Variants in TTLL11 observed in about 807,000 individuals in gnomAD.
The protein encoded by TTLL11 is tubulin polyglutamylase TTLL11.
TTLL11 carries 42 observed loss-of-function variants against 51.7 expected under a neutral mutation model. The ratio of observed to expected loss-of-function variants is 0.81; its 90% CI spans 0.64 to 1.05. The LOEUF (loss-of-function observed/expected upper bound fraction) is 1.05, where lower values mean the gene tolerates loss of function less well. Ranked by LOEUF, TTLL11 falls within the 50% of genes least tolerant of loss-of-function variation. TTLL11 has a pLI of 0.00. For synonymous variants in TTLL11, 381 were observed against 383.5 expected (o/e 0.99, Z 0.08); for missense variants, 799 against 940.4 (o/e 0.85, Z 1.97).
rs142905045 is a variant in TTLL11, at chr9:122,016,411, C to T, written c.693+15312G>A. On this transcript the variant is annotated intron_variant, in intron 3 of 8. Coordinates refer to ENST00000321582, the MANE Select transcript of TTLL11 (RefSeq NM_001139442.2). ...GATAAACCAGTGGGTTACCCAAAGT[C>T]GGTCAAATCAGCACATTGTCTACAG... 1.6e-3 allele frequency among the ~76,000 whole-genome samples: 240 copies of T among 152,224 alleles called. No homozygotes were observed. The Middle Eastern group carries it at 0.02, about 13-fold the overall frequency.
rs138925927 is a variant in TTLL11, at chr9:121,974,679, A to G, written c.1365+205T>C. ...AAACCTTCAACACTGGAAAAACAGC[A>G]TGCTGGGAAGTGACCACAGGTCAGA... On this transcript the variant is annotated intron_variant, in intron 5 of 8. Coordinates refer to ENST00000321582, the MANE Select transcript of TTLL11 (RefSeq NM_001139442.2). 2.1e-4 allele frequency among the ~76,000 whole-genome samples: 32 copies of G among 152,320 alleles called. No individual in the cohort carries two copies. The East Asian group carries it at 3.3e-3, about 16-fold the overall frequency.
chr9:122,070,719 C>T (rs548436757), intron 1 of TTLL11, among the ~76,000 whole-genome samples: 3 of 152,242 alleles, frequency 2.0e-5, no homozygotes, highest in Admixed American at 6.5e-5. Context: ...CAAAGGCCAG[C>T]GCTCCCCTCC....
chr9:121,908,856 G>T (rs1223153613), intron 6 of TTLL11, among the ~76,000 whole-genome samples: 1 of 152,142 alleles, frequency 6.6e-6, no homozygotes, highest in African/African-American at 2.4e-5. Flanking sequence ...GGCCTACTCT[G>T]TTGGCTTCAT....
chr9:122,043,831 AAT>A (rs200113303), intron 1 of TTLL11, among the ~76,000 whole-genome samples: 2 of 151,982 alleles, frequency 1.3e-5, no homozygotes, highest in African/African-American at 2.4e-5. Flanking sequence ...CAATAGTCAG[AAT>A]ATATATATAT....
intron 1 of TTLL11, among the ~76,000 whole-genome samples, chr9:122,051,513 A>ATAC (rs1454533261): frequency 6.6e-6 from 1 of 152,136 alleles, no homozygotes; most frequent in Non-Finnish European, 1.5e-5. Flanking sequence ...GTTGCTTGTG[A>ATAC]TACTGCCTGC....
intron 1 of TTLL11, among the ~76,000 whole-genome samples, chr9:122,065,525 T>C (rs1262260556): frequency 6.6e-6 from 1 of 152,226 alleles, no homozygotes; most frequent in Non-Finnish European, 1.5e-5. Context: ...CAGTCATCAC[T>C]AATTAAGGAC....
At chr9:121,922,196 G>A (rs1840568581) in intron 6 of TTLL11, among the ~76,000 whole-genome samples, 1 of 152,096 alleles carries the variant, frequency 6.6e-6, no homozygotes, top group African/African-American at 2.4e-5. Context: ...ATAATCCCTA[G>A]GAAACTTCTT....
chr9:121,967,179 C>T (rs1478496203), intron 6 of TTLL11, among the ~76,000 whole-genome samples: 2 of 148,630 alleles, frequency 1.3e-5, no homozygotes, highest in South Asian at 2.2e-4. Context: ...GGACACAGGC[C>T]GCTCCTCTGT....
chr9:121,904,732 A>T (rs4837911), intron 6 of TTLL11, among the ~76,000 whole-genome samples: 137,728 of 152,314 alleles, frequency 0.9, 62,571 homozygotes, highest in East Asian at 0.99. Context: ...TGTTTTCCAC[A>T]AGGGAGACAA....
chr9:122,027,815 A>G (rs543086475), intron 3 of TTLL11, among the ~76,000 whole-genome samples: 10 of 152,368 alleles, frequency 6.6e-5, no homozygotes, highest in African/African-American at 2.2e-4. Context: ...AGAGCCATTC[A>G]AAGGAATGAA....
rs200354661 is a variant in TTLL11 at position 121,989,401 on chromosome 9, T to A, written c.1063A>T (p.Ile355Phe). ...YSLNIHSGNFIHSDSASTGSK... is the reference protein window; with the variant it reads ...YSLNIHSGNFFHSDSASTGSK... ...CCAGTGCTAGCACTGTCCGAGTGGATGAAGTTGCCGCTGTGGATGTTCAGT... is the reference window on the plus strand; with the variant it reads ...CCAGTGCTAGCACTGTCCGAGTGGAAGAAGTTGCCGCTGTGGATGTTCAGT... The change falls in exon 4 of 9, where the codon ATC (isoleucine) becomes TTC (phenylalanine). Residue 355 changes from isoleucine (I) to phenylalanine (F), a missense_variant. This residue lies in a region of TTLL11 where 468 missense variants were observed against 612.8 expected (regional missense o/e 0.76). Coordinates refer to ENST00000321582, the MANE Select transcript of TTLL11 (RefSeq NM_001139442.2). The surrounding 1 kb of genome is among the most constrained non-coding windows in gnomAD (Gnocchi z 4.2). 4.7e-5 allele frequency: 76 copies of A among 1,613,994 alleles called. No homozygotes were observed. Among genetic ancestry groups the A allele is most frequent in the Non-Finnish European group, 1.7e-5 (20 of 1,180,040 alleles).
At position 122,038,735 on chromosome 9, in the gene TTLL11, T is replaced by C. The variant is rs1844766292; in HGVS notation, c.559+537A>G. Among the ~76,000 whole-genome samples, 4 of 152,186 alleles carry C rather than the reference T, an allele frequency of 2.6e-5. No homozygotes were observed. In the South Asian group the frequency reaches 8.3e-4, roughly 32 times the overall value. ...GTGAGAGGGATATCTTAGTGCTGGC[T>C]ATGATGCTTTTCTAGCACTAAGATT... is the stretch of plus-strand genomic sequence containing the variant. On this transcript the variant is annotated intron_variant, in intron 2 of 8. Coordinates refer to ENST00000321582, the MANE Select transcript of TTLL11 (RefSeq NM_001139442.2).
intron 3 of TTLL11, among the ~76,000 whole-genome samples, chr9:122,029,629 T>C (rs1844465851): frequency 2.0e-5 from 3 of 152,218 alleles, no homozygotes; most frequent in Admixed American, 6.5e-5. Context: ...CAAAAGAGTC[T>C]AAAAGGTTTT....
chr9:122,011,039 C>A (rs1331055804), intron 3 of TTLL11, among the ~76,000 whole-genome samples: 4 of 152,140 alleles, frequency 2.6e-5, no homozygotes, highest in Non-Finnish European at 5.9e-5. Context: ...CAGGAGGGAC[C>A]TGGTAGGAGA....
chr9:121,998,775 C>A (rs999470968), intron 3 of TTLL11, among the ~76,000 whole-genome samples: 18 of 152,132 alleles, frequency 1.2e-4, no homozygotes, highest in African/African-American at 4.1e-4. Flanking sequence ...GAGATCTAAT[C>A]CTACAAGACA....
intron 6 of TTLL11, among the ~76,000 whole-genome samples, chr9:121,878,234 T>C (rs1838641669): frequency 6.6e-6 from 1 of 152,198 alleles, no homozygotes; most frequent in Admixed American, 6.5e-5. Context: ...AACGGCCACA[T>C]TGTTTAGGAC....
At chr9:121,987,032 A>G (rs1269753719) in intron 4 of TTLL11, among the ~76,000 whole-genome samples, 1 of 152,170 alleles carries the variant, frequency 6.6e-6, no homozygotes, top group Non-Finnish European at 1.5e-5. Context: ...AGAAGACGCC[A>G]TACTTTATAA....
chr9:121,931,583 TTAAAAAAAA>T (rs1388056291), intron 6 of TTLL11, among the ~76,000 whole-genome samples: 7 of 103,836 alleles, frequency 6.7e-5, no homozygotes, highest in Non-Finnish European at 1.4e-4. Flanking sequence ...TTTCTACTAT[TTAAAAAAAA>T]AAAAAAAAAA....
intron 6 of TTLL11, among the ~76,000 whole-genome samples, chr9:121,948,365 A>G (rs1168358144): frequency 6.6e-6 from 1 of 152,228 alleles, no homozygotes. Context: ...AAAACTAACC[A>G]TGAACCTCAA....
Sources: gnomAD v4.1 joint callset for allele counts (sites outside exome capture counted in the v4.1 genomes callset) on GRCh38, gnomAD v4.1.1 for gene constraint, gnomAD v4.1.1 regional missense constraint, Gnocchi (gnomAD v3.1) non-coding constraint, MANE v1.5 for transcripts, NCBI Gene and HGNC (gene_info 2026-07-23, HGNC 2026-07-21) for gene names.